Variants in ZCCHC2 observed in about 807,000 individuals in gnomAD.
ZCCHC2 encodes zinc finger CCHC domain-containing protein 2.
A neutral mutation model predicts 103.6 loss-of-function variants in ZCCHC2; 39 were observed. The observed-to-expected ratio is 0.38, with a 90% CI of 0.29 to 0.49. The LOEUF (loss-of-function observed/expected upper bound fraction) is 0.49, where lower values mean the gene tolerates loss of function less well. ZCCHC2 is among the 20% of genes least tolerant of loss of function. ZCCHC2 has a pLI of 0.96. For synonymous variants in ZCCHC2, 687 were observed against 608.9 expected (o/e 1.13, Z -1.89); for missense variants, 1,483 against 1,491.0 (o/e 0.99, Z 0.09).
downstream of ZCCHC2, among the ~76,000 whole-genome samples, chr18:62,578,895 G>A (rs973378864): frequency 2.0e-5 from 3 of 152,168 alleles, no homozygotes; most frequent in Non-Finnish European, 4.4e-5. Flanking sequence ...CGCCTCCTGA[G>A]TAGCTGGGAT....
In ZCCHC2 at chr18:62,574,913, G is replaced by C; in HGVS notation, c.2832G>C (p.Gln944His). The C allele has an allele frequency of 6.2e-7, 1 of 1,613,800 alleles. No homozygotes were observed. Among genetic ancestry groups the C allele is most frequent in the African/African-American group, 1.3e-5 (1 of 75,038 alleles). ...SVLSTAATSP[Q>H]PASAGISQAQ... ...TCAGCACAGCAGCAACTTCTCCCCA[G>C]CCAGCGAGCGCAGGTATCAGCCAGG... The change falls in exon 13 of 14, where the codon CAG becomes CAC. Residue 944 changes from glutamine (Q) to histidine (H), a missense_variant. Coordinates refer to ENST00000269499, the MANE Select transcript of ZCCHC2 (RefSeq NM_017742.6).
chr18:62,570,936 C>T (rs1017374989), intron 12 of ZCCHC2, among the ~76,000 whole-genome samples: 3 of 152,176 alleles, frequency 2.0e-5, no homozygotes, highest in Non-Finnish European at 2.9e-5. Context: ...GCAGTGAGAG[C>T]TTAGGGCCTT....
In ZCCHC2 at chr18:62,542,489, T is replaced by C. The variant is rs558090166; in HGVS notation, c.1052-9T>C. 4.1e-5 allele frequency: 63 copies of C among 1,555,538 alleles called. No individual in the cohort carries two copies. The South Asian group carries it at 6.6e-4, about 16-fold the overall frequency. On this transcript the variant is annotated splice_polypyrimidine_tract_variant and intron_variant, in intron 2 of 13. Coordinates refer to ENST00000269499, the MANE Select transcript of ZCCHC2 (RefSeq NM_017742.6). ...TAGCACAAGTCACCGTGTGTTTTTT[T>C]TCTTTCAGCTGTACACATTGAGAAG...
At chr18:62,530,976 CA>C (rs745707434) in intron 1 of ZCCHC2, among the ~76,000 whole-genome samples, 5 of 152,124 alleles carry the variant, frequency 3.3e-5, no homozygotes, top group Middle Eastern at 3.4e-3. Context: ...TAATTAAGAA[CA>C]TTTTTTTACT....
At chr18:62,568,416 A>G (rs979031074) in intron 11 of ZCCHC2, among the ~76,000 whole-genome samples, 5 of 152,192 alleles carry the variant, frequency 3.3e-5, no homozygotes, top group Non-Finnish European at 5.9e-5. Flanking sequence ...AAAAGTTCTT[A>G]AGGTACCACA....
At chr18:62,555,627 G>A (rs1198116792) in intron 5 of ZCCHC2, among the ~76,000 whole-genome samples, 7 of 152,128 alleles carry the variant, frequency 4.6e-5, no homozygotes, top group Non-Finnish European at 8.8e-5. Flanking sequence ...TGACCGACAT[G>A]GTGAAACCCC....
intron 3 of ZCCHC2, among the ~76,000 whole-genome samples, chr18:62,543,443 T>C (rs983059845): frequency 2.0e-5 from 3 of 152,190 alleles, no homozygotes; most frequent in Non-Finnish European, 4.4e-5. Flanking sequence ...CAGCTTTGCT[T>C]TAAGGGAGAA....
At chr18:62,552,891 TA>T (rs35372929) in intron 5 of ZCCHC2, among the ~76,000 whole-genome samples, 52 of 141,126 alleles carry the variant, frequency 3.7e-4, no homozygotes, top group Admixed American at 3.5e-4. Context: ...CCCTGTCTCT[TA>T]AAAAAAAAAA....
rs563437957 is a variant in ZCCHC2, at chr18:62,557,268, G to A, written c.1408+971G>A. 5.3e-5 allele frequency among the ~76,000 whole-genome samples: 8 copies of A among 152,262 alleles called. No individual in the cohort carries two copies. The South Asian group carries it at 6.2e-4, about 12-fold the overall frequency. ...AGTAACATTGGCGTGTCCTTTAGCAGAATTTCTGCTGAACTTCAGGCATAG... is the reference window on the plus strand; with the variant it reads ...AGTAACATTGGCGTGTCCTTTAGCAAAATTTCTGCTGAACTTCAGGCATAG... On this transcript the variant is annotated intron_variant, in intron 6 of 13. Transcript: ENST00000269499.
chr18:62,527,587 G>A (rs1460449031), intron 1 of ZCCHC2, among the ~76,000 whole-genome samples: 1 of 152,042 alleles, frequency 6.6e-6, no homozygotes, highest in South Asian at 2.1e-4. Context: ...TTTTTTAGGA[G>A]GCTTGTACAT....
intron 4 of ZCCHC2, 96 bp downstream of exon 4, chr18:62,544,969 C>T: frequency 1.0e-6 from 1 of 1,003,550 alleles, no homozygotes; most frequent in Non-Finnish European, 1.4e-6. Flanking sequence ...TTAAAACATA[C>T]AGATAAAGGT....
At chr18:62,569,967 A>G (rs1916527288) in intron 11 of ZCCHC2, 136 bp from the exon 12 acceptor site, 4 of 759,528 alleles carry the variant, frequency 5.3e-6, no homozygotes, top group Non-Finnish European at 8.2e-6. Flanking sequence ...ATCAGTTTAG[A>G]TCAAGGACAA....
chr18:62,575,880 A>C (rs1335855814), intron 13 of ZCCHC2, among the ~76,000 whole-genome samples: 1 of 152,074 alleles, frequency 6.6e-6, no homozygotes, highest in South Asian at 2.1e-4. Context: ...ATCCTGTTTC[A>C]TAGAGTAAGC....
intron 1 of ZCCHC2, among the ~76,000 whole-genome samples, chr18:62,530,899 C>A (rs1331375542): frequency 6.6e-6 from 1 of 152,204 alleles, no homozygotes; most frequent in Non-Finnish European, 1.5e-5. Flanking sequence ...TAACTTAAAT[C>A]TGTTTTGCAC....
intron 5 of ZCCHC2, among the ~76,000 whole-genome samples, chr18:62,553,990 G>C (rs1390765980): frequency 6.6e-6 from 1 of 152,100 alleles, no homozygotes; most frequent in Non-Finnish European, 1.5e-5. Context: ...TGCCTAGAAA[G>C]ACCTTTTCAA....
chr18:62,548,797 C>A (rs139180343), intron 4 of ZCCHC2, among the ~76,000 whole-genome samples: 11 of 152,120 alleles, frequency 7.2e-5, no homozygotes, highest in Non-Finnish European at 1.5e-4. Flanking sequence ...TGGTGGTACA[C>A]GTCTGTAATC....
chr18:62,563,274 A>G, intron 9 of ZCCHC2, 130 bp downstream of exon 9: 1 of 1,098,178 alleles, frequency 9.1e-7, no homozygotes, highest in Non-Finnish European at 1.3e-6. Flanking sequence ...TAAGTTTTAG[A>G]CTTTATACTT....
At chr18:62,535,514 T>A (rs746924325) in intron 1 of ZCCHC2, among the ~76,000 whole-genome samples, 6 of 152,004 alleles carry the variant, frequency 3.9e-5, no homozygotes, top group Non-Finnish European at 8.8e-5. Flanking sequence ...TAGTGAAGAG[T>A]TTGTCTCTGT....
chr18:62,541,592 CCTCTT>C (rs1915184440), intron 2 of ZCCHC2, among the ~76,000 whole-genome samples: 1 of 152,126 alleles, frequency 6.6e-6, no homozygotes, highest in Non-Finnish European at 1.5e-5. Context: ...ACTTTCCTAA[CCTCTT>C]CTCTGTAACC....
Sources: gnomAD v4.1 joint callset for allele counts (sites outside exome capture counted in the v4.1 genomes callset) on GRCh38, gnomAD v4.1.1 for gene constraint, MANE v1.5 for transcripts, NCBI Gene and HGNC (gene_info 2026-07-23, HGNC 2026-07-21) for gene names.